Variants in LYRM4 observed in about 807,000 individuals in gnomAD.
LYRM4 encodes LYR motif-containing protein 4.
A neutral mutation model predicts 11.7 loss-of-function variants in LYRM4; 9 were observed. That is an observed-to-expected ratio of 0.77 (90% confidence interval 0.46 to 1.34). The LOEUF (loss-of-function observed/expected upper bound fraction) is 1.34. Among genes scored for constraint, LYRM4 ranks in the 40% most tolerant of loss-of-function variants. LYRM4 has a pLI of 0.00. For missense variants in LYRM4, 133 were observed against 112.5 expected, an observed-to-expected ratio of 1.18 and a Z score of -0.82; for synonymous variants, 42 against 40.4, an observed-to-expected ratio of 1.04 and a Z score of -0.15.
At chr6:5,054,891 C>A in the LYRM4 span, among the ~76,000 whole-genome samples, 2 of 152,172 alleles carry the variant, frequency 1.3e-5, no homozygotes, top group East Asian at 3.9e-4. Context: ...AAAATATATT[C>A]CCTTGACATA....
intron 2 of LYRM4, among the ~76,000 whole-genome samples, chr6:5,208,090 T>C (rs1206369873): frequency 1.3e-5 from 2 of 152,196 alleles, no homozygotes; most frequent in Non-Finnish European, 2.9e-5. Flanking sequence ...AAAATGAGGA[T>C]AAGAGTTCCT....
the LYRM4 span, among the ~76,000 whole-genome samples, chr6:5,067,482 G>T: frequency 6.6e-6 from 1 of 152,220 alleles, no homozygotes; most frequent in Non-Finnish European, 1.5e-5. Flanking sequence ...CTGAAGGGCT[G>T]CTTGAGTGTT....
intron 2 of LYRM4, among the ~76,000 whole-genome samples, chr6:5,139,751 C>A (rs749651513): frequency 6.6e-6 from 1 of 152,104 alleles, no homozygotes; most frequent in African/African-American, 2.4e-5. Context: ...ACCTCATTTC[C>A]ATTTTCCGTA....
chr6:5,138,839 T>C, intron 2 of LYRM4: 1 of 826,558 alleles, frequency 1.2e-6, no homozygotes, highest in Non-Finnish European at 1.9e-6. Flanking sequence ...TAGAGGTGTT[T>C]AAGACAGGTT....
the LYRM4 span, among the ~76,000 whole-genome samples, chr6:5,090,074 G>A: frequency 6.9e-6 from 1 of 144,712 alleles, no homozygotes; most frequent in East Asian, 2.0e-4. This position sits in a 1 kb window ranked among gnomAD's most constrained non-coding sequence, Gnocchi z 4.8. Context: ...TCCCTGCAAT[G>A]CAGTCAGTGC....
intron 2 of LYRM4, among the ~76,000 whole-genome samples, chr6:5,182,547 A>G (rs1464839309): frequency 6.6e-6 from 1 of 152,246 alleles, no homozygotes; most frequent in Non-Finnish European, 1.5e-5. Context: ...ACATGGTCAT[A>G]AGCCCTCTAG....
At chr6:5,259,204 A>G (rs888434160) in intron 1 of LYRM4, among the ~76,000 whole-genome samples, 2 of 152,220 alleles carry the variant, frequency 1.3e-5, no homozygotes, top group East Asian at 3.8e-4. Context: ...TATCCTGAGT[A>G]AGCTTTAATG....
In LYRM4 at chr6:5,109,375, A is replaced by C; in HGVS notation, c.*48T>G. 1 of 1,612,420 alleles carries C rather than the reference A, an allele frequency of 6.2e-7. No individual in the cohort carries two copies. Among genetic ancestry groups the C allele is most frequent in the Non-Finnish European group, 8.5e-7 (1 of 1,178,832 alleles). ...AGCCCCCATCTCAAACAGAGAGTGG[A>C]TGCTGAAGGTGGTCCCTGGCCGCCA... On this transcript the variant is annotated 3_prime_UTR_variant, in exon 3 of 3. Coordinates refer to ENST00000330636, the MANE Select transcript of LYRM4 (RefSeq NM_020408.6).
chr6:5,153,351 A>G (rs1468759848), intron 2 of LYRM4, among the ~76,000 whole-genome samples: 1 of 152,186 alleles, frequency 6.6e-6, no homozygotes, highest in South Asian at 2.1e-4. Flanking sequence ...TCAGCCTCCA[A>G]AAGTGCTGGG....
At chr6:5,158,128 T>C (rs1027209729) in intron 2 of LYRM4, among the ~76,000 whole-genome samples, 4 of 152,218 alleles carry the variant, frequency 2.6e-5, no homozygotes, top group African/African-American at 9.6e-5. Flanking sequence ...AATGTATATG[T>C]CTGTGCGTGT....
chr6:5,184,900 A>T (rs1486609759), intron 2 of LYRM4, among the ~76,000 whole-genome samples: 1 of 152,152 alleles, frequency 6.6e-6, no homozygotes, highest in Non-Finnish European at 1.5e-5. Context: ...CTCTGATTAC[A>T]CTTGGAAGGG....
rs761525389 is a variant in LYRM4, at chr6:5,186,781, C to T, written c.207+29837G>A. The stretch of plus-strand genomic sequence containing the variant: ...GGTGGATCACTTGAGGTCAGGACTT[C>T]GAGACCAGCCTGACTAATACAGTGA... On this transcript the variant is annotated intron_variant, in intron 2 of 2. Transcript: ENST00000330636. 23 of 605,000 alleles carry T rather than the reference C, an allele frequency of 3.8e-5. No homozygotes were observed. In the East Asian group the frequency reaches 1.0e-3, roughly 27 times the overall value. The allele number at this position is 605,000 out of a possible 1,614,324, so 37.5% of individuals were successfully genotyped here.
At chr6:5,090,825 G>GC in the LYRM4 span, among the ~76,000 whole-genome samples, 1 of 152,140 alleles carries the variant, frequency 6.6e-6, no homozygotes, top group Admixed American at 6.5e-5. The surrounding 1 kb of genome is among the most constrained non-coding windows in gnomAD (Gnocchi z 4.8). Flanking sequence ...CAGCTTTCTA[G>GC]CACAACGGTT....
chr6:5,037,805 G>C, the LYRM4 span, among the ~76,000 whole-genome samples: 2 of 56,954 alleles, frequency 3.5e-5, no homozygotes, highest in Admixed American at 2.4e-4. Context: ...GCGGCTGGCC[G>C]GGCAGGGGGC....
chr6:5,209,328 CT>C (rs1242642086), intron 2 of LYRM4, among the ~76,000 whole-genome samples: 3 of 152,152 alleles, frequency 2.0e-5, no homozygotes, highest in Non-Finnish European at 4.4e-5. Flanking sequence ...AACTCCTGAC[CT>C]CAAGTGATCC....
At chr6:5,043,532 G>C in the LYRM4 span, 6 of 152,068 alleles carry the variant, frequency 3.9e-5, no homozygotes, top group Non-Finnish European at 8.8e-5. Flanking sequence ...AAGTGTCACA[G>C]GGCCAATGTA....
intron 2 of LYRM4, among the ~76,000 whole-genome samples, chr6:5,204,985 A>G (rs562628207): frequency 1.5e-4 from 23 of 152,264 alleles, no homozygotes; most frequent in African/African-American, 5.5e-4. Flanking sequence ...GGAACTCCCT[A>G]CGTTTTCCTA....
the LYRM4 span, among the ~76,000 whole-genome samples, chr6:5,075,172 C>A: frequency 6.6e-6 from 1 of 152,150 alleles, no homozygotes; most frequent in Non-Finnish European, 1.5e-5. Context: ...CCTGCAGAAC[C>A]GTGATCCAGT....
intron 2 of LYRM4, among the ~76,000 whole-genome samples, chr6:5,175,824 G>T (rs540077405): frequency 1.3e-5 from 2 of 152,240 alleles, no homozygotes; most frequent in Non-Finnish European, 2.9e-5. Flanking sequence ...GTAGGAAGTC[G>T]CACTGCTCTG....
Sources: gnomAD v4.1 joint callset for allele counts (sites outside exome capture counted in the v4.1 genomes callset) on GRCh38, gnomAD v4.1.1 for gene constraint, Gnocchi (gnomAD v3.1) non-coding constraint, MANE v1.5 for transcripts, NCBI Gene and HGNC (gene_info 2026-07-23, HGNC 2026-07-21) for gene names.